Variants in PTPRM observed in about 807,000 individuals in gnomAD.
PTPRM encodes receptor-type tyrosine-protein phosphatase mu.
In PTPRM, 47 loss-of-function variants were observed where a neutral mutation model predicts 186.7. The observed-to-expected ratio is 0.25, with a 90% CI of 0.20 to 0.32. PTPRM has a LOEUF of 0.32. PTPRM is among the 10% of genes least tolerant of loss of function. The probability of loss-of-function intolerance (pLI) is 1.00; values close to 1 mark genes in which losing one functional copy is unlikely to be tolerated. For missense variants in PTPRM, 1,494 were observed against 1,865.0 expected, an observed-to-expected ratio of 0.80 and a Z score of 3.66; for synonymous variants, 668 against 674.9, an observed-to-expected ratio of 0.99 and a Z score of 0.16.
At chr18:8,222,523 C>T (rs1314902185) in intron 14 of PTPRM, among the ~76,000 whole-genome samples, 2 of 152,156 alleles carry the variant, frequency 1.3e-5, no homozygotes, top group Non-Finnish European at 1.5e-5. Context: ...AGTATGGGGG[C>T]TGGGGACGGG....
At chr18:7,614,133 G>A (rs531686653) in intron 1 of PTPRM, among the ~76,000 whole-genome samples, 1 of 152,300 alleles carries the variant, frequency 6.6e-6, no homozygotes, top group African/African-American at 2.4e-5. Flanking sequence ...GAGAACATGT[G>A]TTAAATGAAT....
chr18:7,984,184 CAA>C (rs1483561556), intron 7 of PTPRM, among the ~76,000 whole-genome samples: 1 of 151,980 alleles, frequency 6.6e-6, no homozygotes, highest in African/African-American at 2.4e-5. Context: ...CCATAGTCAC[CAA>C]AGAGTCAAGA....
chr18:7,988,832 T>G (rs1374340050), intron 7 of PTPRM, among the ~76,000 whole-genome samples: 1 of 152,210 alleles, frequency 6.6e-6, no homozygotes, highest in African/African-American at 2.4e-5. Flanking sequence ...TTTTGGTTGC[T>G]TCTACCTTTT....
chr18:7,673,155 C>A (rs1227843578), intron 1 of PTPRM, among the ~76,000 whole-genome samples: 1 of 152,200 alleles, frequency 6.6e-6, no homozygotes, highest in Non-Finnish European at 1.5e-5. Flanking sequence ...TTGAAGCTGG[C>A]TGCTCTTCCT....
intron 7 of PTPRM, among the ~76,000 whole-genome samples, chr18:8,015,702 C>T (rs1043761155): frequency 6.6e-6 from 1 of 152,076 alleles, no homozygotes; most frequent in Non-Finnish European, 1.5e-5. Context: ...ATAATTTATC[C>T]TGAACTTTGA....
chr18:8,047,285 A>G (rs2087129547), intron 7 of PTPRM, among the ~76,000 whole-genome samples: 3 of 152,202 alleles, frequency 2.0e-5, no homozygotes, highest in African/African-American at 7.2e-5. Context: ...TCAAGGAAAC[A>G]TACTTGGTAG....
intron 7 of PTPRM, among the ~76,000 whole-genome samples, chr18:8,002,413 G>A (rs146881193): frequency 6.6e-6 from 1 of 152,172 alleles, no homozygotes; most frequent in Non-Finnish European, 1.5e-5. Flanking sequence ...AGCAAGACTT[G>A]AAACAAAGCA....
intron 23 of PTPRM, among the ~76,000 whole-genome samples, chr18:8,355,375 G>T (rs2095557971): frequency 6.6e-6 from 1 of 151,972 alleles, no homozygotes; most frequent in Admixed American, 6.6e-5. Context: ...AGGAGGGAGG[G>T]AAGGTGTTCC....
At chr18:8,383,725 G>A (rs1393398268) in intron 29 of PTPRM, among the ~76,000 whole-genome samples, 1 of 152,166 alleles carries the variant, frequency 6.6e-6, no homozygotes, top group Non-Finnish European at 1.5e-5. Flanking sequence ...GCAAGGGTTT[G>A]GACTGGAACA....
intron 7 of PTPRM, among the ~76,000 whole-genome samples, chr18:8,063,001 C>G (rs372641758): frequency 8.5e-5 from 12 of 141,284 alleles, no homozygotes; most frequent in East Asian, 2.1e-4. Flanking sequence ...TCGAGCTTCC[C>G]GGCTGCTTTG....
At chr18:8,126,686 A>G (rs2092372938) in intron 13 of PTPRM, among the ~76,000 whole-genome samples, 1 of 152,150 alleles carries the variant, frequency 6.6e-6, no homozygotes, top group African/African-American at 2.4e-5. Flanking sequence ...TGGGGACCCA[A>G]GGTTCTCTAT....
chr18:7,772,349 C>CTCTTTCTTTCTTTCTTTCTTTCTT (rs71935994), intron 1 of PTPRM, among the ~76,000 whole-genome samples: 8 of 96,112 alleles, frequency 8.3e-5, no homozygotes, highest in East Asian at 2.8e-4. Flanking sequence ...TTCTTTCTTT[C>CTCTTTCTTTCTTTCTTTCTTTCTT]TCTTTCTTTC....
intron 1 of PTPRM, among the ~76,000 whole-genome samples, chr18:7,772,210 A>G (rs999020521): frequency 6.6e-6 from 1 of 151,376 alleles, no homozygotes; most frequent in South Asian, 2.1e-4. Context: ...GCTCTTTTCA[A>G]ATAATCAGCT....
At chr18:8,183,355 C>G (rs1340969751) in intron 14 of PTPRM, among the ~76,000 whole-genome samples, 4 of 152,040 alleles carry the variant, frequency 2.6e-5, no homozygotes, top group Admixed American at 6.6e-5. Context: ...TCAGAATCAC[C>G]ATTGTTGCTC....
At chr18:8,275,154 C>T (rs572335512) in intron 19 of PTPRM, among the ~76,000 whole-genome samples, 26 of 152,212 alleles carry the variant, frequency 1.7e-4, no homozygotes, top group Admixed American at 4.6e-4. Flanking sequence ...TAGGTTTCAA[C>T]GGGACCAGGT....
chr18:8,050,497 A>G (rs537772279), intron 7 of PTPRM, among the ~76,000 whole-genome samples: 1 of 152,080 alleles, frequency 6.6e-6, no homozygotes, highest in East Asian at 1.9e-4. Flanking sequence ...TCCTGAAAAA[A>G]AAAAACCCTC....
chr18:8,152,712 C>CTTTTTTTTTTTTTTTTTTTT (rs35112154), intron 14 of PTPRM, among the ~76,000 whole-genome samples: 1 of 56,928 alleles, frequency 1.8e-5, no homozygotes, highest in Admixed American at 3.0e-4. Flanking sequence ...TGCCTCACCT[C>CTTTTTTTTTTTTTTTTTTTT]TTTTTTTTTT....
At chr18:8,170,354 G>A (rs1219621040) in intron 14 of PTPRM, among the ~76,000 whole-genome samples, 2 of 152,174 alleles carry the variant, frequency 1.3e-5, no homozygotes, top group Non-Finnish European at 2.9e-5. Flanking sequence ...TGGCCGCACA[G>A]TTATAGTCAG....
At chr18:7,723,792 G>C (rs1376968260) in intron 1 of PTPRM, among the ~76,000 whole-genome samples, 1 of 152,152 alleles carries the variant, frequency 6.6e-6, no homozygotes, top group Non-Finnish European at 1.5e-5. Context: ...CGCGGGCTGG[G>C]AGAGCACCCT....
Sources: gnomAD v4.1 joint callset for allele counts (sites outside exome capture counted in the v4.1 genomes callset) on GRCh38, gnomAD v4.1.1 for gene constraint, MANE v1.5 for transcripts, NCBI Gene and HGNC (gene_info 2026-07-23, HGNC 2026-07-21) for gene names.